CDK14: variants seen among roughly 807,000 people sequenced by gnomAD.
The protein encoded by CDK14 is cyclin-dependent kinase 14.
In CDK14, 34 loss-of-function variants were observed where a neutral mutation model predicts 60.7. The ratio of observed to expected loss-of-function variants is 0.56; its 90% CI spans 0.43 to 0.75. CDK14 has a LOEUF of 0.75. CDK14 is among the 30% of genes least tolerant of loss of function. The pLI, the probability that CDK14 is intolerant of heterozygous loss-of-function variation, is 0.00. For missense variants in CDK14, 482 were observed against 564.1 expected (o/e 0.85, Z 1.47); for synonymous variants, 197 against 203.7 (o/e 0.97, Z 0.28).
intron 4 of CDK14, among the ~76,000 whole-genome samples, chr7:90,754,848 G>A (rs1186400674): frequency 5.3e-5 from 8 of 151,912 alleles, no homozygotes; most frequent in South Asian, 4.2e-4. Context: ...ACATTCAAGC[G>A]GCCAACAAAC....
At chr7:90,730,251 A>G (rs979683774) in intron 3 of CDK14, among the ~76,000 whole-genome samples, 13 of 152,076 alleles carry the variant, frequency 8.5e-5, no homozygotes, top group Non-Finnish European at 1.8e-4. Flanking sequence ...AATTCAGTCT[A>G]TCTTTGATGG....
intron 10 of CDK14, among the ~76,000 whole-genome samples, chr7:91,032,934 T>A (rs1796805040): frequency 6.6e-6 from 1 of 152,230 alleles, no homozygotes; most frequent in Non-Finnish European, 1.5e-5. Flanking sequence ...CGTATTTAAT[T>A]TTGATGTAAC....
intron 14 of CDK14, among the ~76,000 whole-genome samples, chr7:91,167,000 A>C (rs1361828592): frequency 6.6e-6 from 1 of 152,222 alleles, no homozygotes; most frequent in East Asian, 1.9e-4. Context: ...GATGAGACTG[A>C]GAGTTATAAT....
intron 5 of CDK14, among the ~76,000 whole-genome samples, chr7:90,828,524 T>TA (rs1182591431): frequency 6.6e-6 from 1 of 151,824 alleles, no homozygotes; most frequent in Non-Finnish European, 1.5e-5. Flanking sequence ...TTTAATATTT[T>TA]TTTTCCCTAT....
chr7:90,675,705 G>C (rs1401910733), intron 2 of CDK14, among the ~76,000 whole-genome samples: 1 of 152,142 alleles, frequency 6.6e-6, no homozygotes, highest in Non-Finnish European at 1.5e-5. Context: ...TTCTAAATCA[G>C]TTAAGTATTG....
At chr7:90,864,086 C>A (rs898764584) in intron 6 of CDK14, among the ~76,000 whole-genome samples, 6 of 150,850 alleles carry the variant, frequency 4.0e-5, no homozygotes, top group African/African-American at 1.2e-4. Flanking sequence ...TTGTAATTAC[C>A]ACACTACTTT....
chr7:90,920,140 A>C (rs564102307), intron 8 of CDK14, among the ~76,000 whole-genome samples: 1 of 152,352 alleles, frequency 6.6e-6, no homozygotes, highest in African/African-American at 2.4e-5. Context: ...TGTGTGTCTG[A>C]GATGAAGGAA....
rs115147637 is a variant in CDK14, at chr7:90,822,450, A to G, written c.544+31798A>G. 8.5e-3 allele frequency among the ~76,000 whole-genome samples: 1,297 copies of G among 152,224 alleles called. 25 individuals are homozygous for G. Among genetic ancestry groups the G allele is most frequent in the African/African-American group, 0.03 (1,237 of 41,530 alleles). ...TCCTCTTATCTCACTTTAGTCTCCC[A>G]CACTGTGCTGGGACCATTGCAGACT... On this transcript the variant is annotated intron_variant, in intron 5 of 14. Transcript: ENST00000380050.
intron 14 of CDK14, among the ~76,000 whole-genome samples, chr7:91,177,710 A>G (rs1399990410): frequency 1.4e-5 from 2 of 145,328 alleles, no homozygotes; most frequent in Non-Finnish European, 3.0e-5. Context: ...CCCATTCACA[A>G]TTGCTTCAAA....
intron 10 of CDK14, among the ~76,000 whole-genome samples, chr7:91,023,961 C>T (rs1038986096): frequency 9.9e-5 from 15 of 151,934 alleles, no homozygotes; most frequent in African/African-American, 2.4e-4. Flanking sequence ...TTAGTGGAGA[C>T]GGGGTTTCAC....
chr7:90,639,468 T>C (rs947734802), intron 2 of CDK14, among the ~76,000 whole-genome samples: 1 of 152,136 alleles, frequency 6.6e-6, no homozygotes, highest in Admixed American at 6.6e-5. Flanking sequence ...TGAATGCTGC[T>C]GTCTGATCGT....
chr7:90,751,752 A>G (rs1249421309), intron 4 of CDK14, among the ~76,000 whole-genome samples: 2 of 152,210 alleles, frequency 1.3e-5, no homozygotes, highest in Non-Finnish European at 2.9e-5. Context: ...AAAGAAAAAC[A>G]AGACCTATCT....
chr7:91,018,966 C>T (rs1240578656), intron 10 of CDK14, among the ~76,000 whole-genome samples: 2 of 152,054 alleles, frequency 1.3e-5, no homozygotes, highest in African/African-American at 4.8e-5. Context: ...GCTTAATCGC[C>T]TCTCAAAGGC....
At chr7:91,000,860 C>T (rs1219186631) in intron 10 of CDK14, among the ~76,000 whole-genome samples, 3 of 152,164 alleles carry the variant, frequency 2.0e-5, no homozygotes, top group Admixed American at 1.3e-4. Context: ...AAGAGGATTA[C>T]ACATTTAAAA....
chr7:91,080,449 G>A (rs941936292), intron 12 of CDK14, among the ~76,000 whole-genome samples: 5 of 152,016 alleles, frequency 3.3e-5, no homozygotes, highest in African/African-American at 1.2e-4. Context: ...TTTGTACCTC[G>A]AATAACACAT....
intron 14 of CDK14, among the ~76,000 whole-genome samples, chr7:91,137,071 A>C (rs991704706): frequency 1.3e-5 from 2 of 152,184 alleles, no homozygotes; most frequent in African/African-American, 4.8e-5. Flanking sequence ...GGAAGCTAAG[A>C]CATTGACAAT....
chr7:91,144,910 T>C (rs1023899312), intron 14 of CDK14, among the ~76,000 whole-genome samples: 9 of 152,172 alleles, frequency 5.9e-5, no homozygotes, highest in Non-Finnish European at 1.3e-4. Flanking sequence ...TAGAATTAGA[T>C]AGGTATTAGG....
At chr7:91,026,513 T>C (rs1208099970) in intron 10 of CDK14, among the ~76,000 whole-genome samples, 1 of 152,204 alleles carries the variant, frequency 6.6e-6, no homozygotes, top group African/African-American at 2.4e-5. Flanking sequence ...TCTGATGTGT[T>C]AGAGTATCTT....
Position 90,916,255 on chromosome 7 carries a change from A to T in CDK14, c.703-1346A>T, listed in dbSNP as rs186589772. Among the ~76,000 whole-genome samples the T allele has an allele frequency of 7.6e-3, 1,161 of 152,226 alleles. 19 individuals are homozygous for T. The highest frequency in any genetic ancestry group is 0.027 in the African/African-American group (1,120 of 41,530). On this transcript the variant is annotated intron_variant, in intron 7 of 14. Transcript: ENST00000380050. ...GAACTCAAGTCTTTCTGTTTGTTGT[A>T]TAAGAAGCGTTGAGAGGACAAATCC...
Sources: allele counts gnomAD v4.1 joint callset (sites outside exome capture counted in the v4.1 genomes callset), GRCh38; gene constraint gnomAD v4.1.1; transcripts MANE v1.5; gene names NCBI Gene and HGNC (gene_info 2026-07-23, HGNC 2026-07-21).